TMEM97: variants seen among roughly 807,000 people sequenced by gnomAD.
TMEM97 encodes transmembrane protein 97, also known as sigma intracellular receptor 2.
In TMEM97, 13 loss-of-function variants were observed where a neutral mutation model predicts 18.3. The observed-to-expected ratio is 0.71, with a 90% CI of 0.46 to 1.13. The LOEUF (loss-of-function observed/expected upper bound fraction) is 1.13, where lower values mean the gene tolerates loss of function less well. Among genes scored for constraint, TMEM97 ranks in the 50% most tolerant of loss-of-function variants. TMEM97 has a pLI of 0.00. For missense variants in TMEM97, 205 were observed against 210.5 expected, an observed-to-expected ratio of 0.97 and a Z score of 0.16; for synonymous variants, 76 against 85.3, an observed-to-expected ratio of 0.89 and a Z score of 0.60.
chr17:28,323,225 T>C (rs1555575092), intron 1 of TMEM97, among the ~76,000 whole-genome samples: 1 of 152,184 alleles, frequency 6.6e-6, no homozygotes, highest in East Asian at 1.9e-4. Flanking sequence ...GGTATATGAC[T>C]GTGGGCAGAT....
Position 28,326,523 on chromosome 17 carries a change from G to C in TMEM97, c.272-11G>C. On this transcript the variant is annotated splice_polypyrimidine_tract_variant and intron_variant, in intron 2 of 2. Transcript: ENST00000226230. ...GACCTAACCATTTTTCTTTTCCCCTGACTACCTCAGGAAGCTGCAAGTGGA... is the reference window on the plus strand; with the variant it reads ...GACCTAACCATTTTTCTTTTCCCCTCACTACCTCAGGAAGCTGCAAGTGGA... 6.2e-7 allele frequency: 1 copy of C among 1,610,624 alleles called. No homozygotes were observed. The highest frequency in any genetic ancestry group is 8.5e-7 in the Non-Finnish European group (1 of 1,177,832).
intron 1 of TMEM97, among the ~76,000 whole-genome samples, chr17:28,324,195 CCACAT>C (rs1906250163): frequency 6.6e-6 from 1 of 152,202 alleles, no homozygotes; most frequent in East Asian, 1.9e-4. Context: ...CCTATTCAAA[CCACAT>C]TCCCATCCAG....
chr17:28,328,556 T>G lies in TMEM97; in HGVS notation c.*1763T>G, dbSNP rs1031088053. On this transcript the variant is annotated 3_prime_UTR_variant, in exon 3 of 3. Transcript: ENST00000226230. ...TACACGCCACCTCTTGTGACATAGGTCATTGGTCAAGCCGCTGGAATGCTA... is the reference window on the plus strand; with the variant it reads ...TACACGCCACCTCTTGTGACATAGGGCATTGGTCAAGCCGCTGGAATGCTA... 1.2e-5 allele frequency: 9 copies of G among 756,592 alleles called. No individual in the cohort carries two copies. In the African/African-American group the frequency reaches 1.4e-4, roughly 12 times the overall value. 46.9% of individuals were successfully genotyped at this position (756,592 alleles called of 1,614,324 possible). A position where few individuals can be genotyped will look rare whatever the true frequency, so the allele number is the denominator to read the frequency against.
intron 1 of TMEM97, among the ~76,000 whole-genome samples, chr17:28,320,729 G>T (rs1181628828): frequency 6.6e-6 from 1 of 152,204 alleles, no homozygotes; most frequent in African/African-American, 2.4e-5. Flanking sequence ...TCAAATCAAG[G>T]CAGGGCTCAC....
In TMEM97 at chr17:28,323,241, G is replaced by A. The variant is rs1272116365; in HGVS notation, c.127-2262G>A. Among the ~76,000 whole-genome samples the A allele has an allele frequency of 3.9e-5, 6 of 152,118 alleles. No individual in the cohort carries two copies. The East Asian group carries it at 9.6e-4, about 24-fold the overall frequency. On this transcript the variant is annotated intron_variant, in intron 1 of 2. Transcript: ENST00000226230. ...GTATATGACTGTGGGCAGATGGTTGGTTACGATTATGATAATTCATTATTA... is the reference window on the plus strand; with the variant it reads ...GTATATGACTGTGGGCAGATGGTTGATTACGATTATGATAATTCATTATTA...
chr17:28,325,519 A>G lies in TMEM97; in HGVS notation c.143A>G (p.Lys48Arg). The G allele has an allele frequency of 6.2e-7, 1 of 1,613,920 alleles. No homozygotes were observed. The highest frequency in any genetic ancestry group is 8.5e-7 in the Non-Finnish European group (1 of 1,179,948). The change falls in exon 2 of 3, where the codon AAG becomes AGG. Residue 48 changes from lysine to arginine, a missense_variant. Lys to Arg is a conservative substitution (Grantham distance 26). Transcript: ENST00000226230. ...LYPVEFRNLL[K>R]WYAKEFKDPL... The stretch of plus-strand genomic sequence containing the variant: ...CTTTTTCAGTTTAGAAACCTGCTGA[A>G]GTGGTATGCTAAGGAGTTCAAAGAC...
At position 28,326,665 on chromosome 17, in the gene TMEM97, G is replaced by A. The variant is rs782563088; in HGVS notation, c.403G>A (p.Glu135Lys). 5.6e-6 allele frequency: 9 copies of A among 1,614,142 alleles called. No homozygotes were observed. The highest frequency in any genetic ancestry group is 1.1e-5 in the South Asian group (1 of 91,078). The change falls in exon 3 of 3, where the codon GAG (glutamate) becomes AAG (lysine). Residue 135 changes from glutamate (E) to lysine (K), a missense_variant. Coordinates refer to ENST00000226230, the MANE Select transcript of TMEM97 (RefSeq NM_014573.3). ...KASGFKGQRP[E>K]TLHERLTLVS... is the part of the protein sequence containing the mutation. ...CAGTGGTTTCAAGGGACAAAGACCT[G>A]AGACTTTGCATGAACGGTTAACCCT...
intron 1 of TMEM97, among the ~76,000 whole-genome samples, chr17:28,323,462 G>A (rs146833115): frequency 3.3e-5 from 5 of 150,798 alleles, no homozygotes; most frequent in South Asian, 2.1e-4. Context: ...ATGGAGTCTC[G>A]CTCTGTCACC....
chr17:28,325,978 C>A, intron 2 of TMEM97: 1 of 369,962 alleles, frequency 2.7e-6, no homozygotes. Flanking sequence ...TTTTATTTCT[C>A]TGCGTTGGAT....
At position 28,327,108 on chromosome 17, in the gene TMEM97, T is replaced by C. The variant is rs191347455; in HGVS notation, c.*315T>C. The C allele has an allele frequency of 5.3e-4, 174 of 329,920 alleles. No homozygotes were observed. The highest frequency in any genetic ancestry group is 3.4e-3 in the African/African-American group (165 of 47,876). The allele number at this position is 329,920 out of a possible 1,614,324, so 20.4% of individuals were successfully genotyped here. On this transcript the variant is annotated 3_prime_UTR_variant, in exon 3 of 3. Coordinates refer to ENST00000226230, the MANE Select transcript of TMEM97 (RefSeq NM_014573.3). ...TCCCAAGTAGCTAGAACTACAGGTG[T>C]GTACCAACACGTATGGCTAATTTGT...
At chr17:28,320,319 A>G (rs936602671) in intron 1 of TMEM97, among the ~76,000 whole-genome samples, 20 of 152,202 alleles carry the variant, frequency 1.3e-4, no homozygotes, top group Non-Finnish European at 2.6e-4. Context: ...CAAGGAGAAT[A>G]TAGCTTCCAT....
At chr17:28,324,662 T>C (rs1906265763) in intron 1 of TMEM97, 2 of 152,202 alleles carry the variant, frequency 1.3e-5, no homozygotes, top group African/African-American at 4.8e-5. Context: ...AGCCTTAAAC[T>C]CTGCTTCTTT....
chr17:28,319,356 C>T lies in TMEM97; in HGVS notation c.117C>T (p.Tyr39=). The T allele has an allele frequency of 6.2e-7, 1 of 1,601,240 alleles. No homozygotes were observed. Among genetic ancestry groups the T allele is most frequent in the South Asian group, 1.1e-5 (1 of 90,110 alleles). Residue 39 remains tyrosine (Y), a synonymous_variant, in exon 1 of 3, where the codon TAC becomes TAT. Coordinates refer to ENST00000226230, the MANE Select transcript of TMEM97 (RefSeq NM_014573.3). ...AGGCGGTGCTGCCGCGCGAGCTCTACCCAGTCGAGGTGAGGGGCGCCCCTC... is the reference window on the plus strand; with the variant it reads ...AGGCGGTGCTGCCGCGCGAGCTCTATCCAGTCGAGGTGAGGGGCGCCCCTC... ...DLQAVLPREL[Y]PVEFRNLLKW... is the part of the protein sequence containing the mutation.
chr17:28,325,705 T>C, intron 2 of TMEM97, 58 bp downstream of exon 2: 2 of 1,607,490 alleles, frequency 1.2e-6, no homozygotes, highest in South Asian at 1.1e-5. Flanking sequence ...CAGAAATCTT[T>C]TGGGAAAGTA....
At chr17:28,319,694 A>G (rs1555574717) in intron 1 of TMEM97, 1 of 236,532 alleles carries the variant, frequency 4.2e-6, no homozygotes, top group Non-Finnish European at 8.1e-6. Flanking sequence ...GTCCAAAGTC[A>G]CATGTTAGGT....
intron 1 of TMEM97, among the ~76,000 whole-genome samples, chr17:28,321,036 A>G (rs1452513879): frequency 6.6e-6 from 1 of 152,226 alleles, no homozygotes; most frequent in African/African-American, 2.4e-5. Context: ...GGATGTGGTT[A>G]TCTTTGGGGG....
At chr17:28,322,792 CT>C (rs1906196141) in intron 1 of TMEM97, among the ~76,000 whole-genome samples, 2 of 139,926 alleles carry the variant, frequency 1.4e-5, no homozygotes, top group South Asian at 2.4e-4. Flanking sequence ...CCAGGTGAAT[CT>C]TTTATGTATA....
rs1275245424 is a variant in TMEM97 at position 28,319,215 on chromosome 17, C to T, written c.-25C>T. The T allele has an allele frequency of 4.4e-6, 7 of 1,574,242 alleles. No homozygotes were observed. The highest frequency in any genetic ancestry group is 4.3e-6 in the Non-Finnish European group (5 of 1,160,796). On this transcript the variant is annotated 5_prime_UTR_variant, in exon 1 of 3. Transcript: ENST00000226230. ...GATTTGGCCCCTCTTCTCACATCAG[C>T]GGGTCCAGGCCCAACCGACAGACTA...
chr17:28,326,474 A>G (rs1232165258), intron 2 of TMEM97, 60 bp from the exon 3 acceptor site: 2 of 1,561,154 alleles, frequency 1.3e-6, no homozygotes, highest in Admixed American at 3.7e-5. Flanking sequence ...TGGGAAGGTC[A>G]TGGACACCTT....
Sources: gnomAD v4.1 joint callset for allele counts (sites outside exome capture counted in the v4.1 genomes callset) on GRCh38, gnomAD v4.1.1 for gene constraint, MANE v1.5 for transcripts, NCBI Gene and HGNC (gene_info 2026-07-23, HGNC 2026-07-21) for gene names.